Variants in ELP4 observed in about 807,000 individuals in gnomAD.
ELP4 encodes the protein elongator complex protein 4.
Under a neutral mutation model 48.9 loss-of-function variants are expected in ELP4, and 51 were observed. The observed-to-expected ratio is 1.04, with a 90% CI of 0.83 to 1.32. The LOEUF is 1.32. ELP4 is among the 40% of genes most tolerant of loss of function. The pLI is 0.00. For synonymous variants in ELP4, 210 were observed against 189.2 expected (o/e 1.11, Z -0.90); for missense variants, 519 against 514.6 (o/e 1.01, Z -0.08).
At chr11:31,584,517 TTTGTTTTGTTGTTGTTG>T (rs1272522752) in intron 3 of ELP4, among the ~76,000 whole-genome samples, 1 of 151,986 alleles carries the variant, frequency 6.6e-6, no homozygotes, top group Non-Finnish European at 1.5e-5. Context: ...GTTTTTTTGT[TTTGTTTTGTTGTTGTTG>T]TTGTTTTGTT....
chr11:31,769,550 C>T (rs1308091340), intron 9 of ELP4, among the ~76,000 whole-genome samples: 2 of 152,100 alleles, frequency 1.3e-5, no homozygotes, highest in African/African-American at 2.4e-5. Context: ...TTCTCTATTC[C>T]GTAAGCTGTG....
chr11:31,510,700 C>G, intron 1 of ELP4: 1 of 250,142 alleles, frequency 4.0e-6, no homozygotes, highest in South Asian at 1.7e-4. Flanking sequence ...AAATTTAACT[C>G]ACATTTTAAC....
intron 9 of ELP4, among the ~76,000 whole-genome samples, chr11:31,699,452 A>G (rs1946475810): frequency 6.6e-6 from 1 of 152,168 alleles, no homozygotes. Context: ...ATGGATGCAT[A>G]GTTAGGTAGG....
At chr11:31,648,501 A>G (rs994617731) in intron 8 of ELP4, 4 of 151,462 alleles carry the variant, frequency 2.6e-5, no homozygotes, top group African/African-American at 7.3e-5. Flanking sequence ...GAACTATATG[A>G]ATAGTAAAAG....
At chr11:31,648,017 C>A (rs1945241626) in intron 8 of ELP4, 168 bp downstream of exon 8, 1 of 523,694 alleles carries the variant, frequency 1.9e-6, no homozygotes, top group African/African-American at 1.9e-5. Flanking sequence ...TATTACCCAA[C>A]TACATTAAGA....
At chr11:31,610,235 CCTAT>C (rs754065190) in intron 5 of ELP4, among the ~76,000 whole-genome samples, 7 of 152,088 alleles carry the variant, frequency 4.6e-5, no homozygotes, top group African/African-American at 7.2e-5. Context: ...AGAGATTCTG[CCTAT>C]CTGTTTAGCT....
chr11:31,730,969 T>TG (rs1488992860), intron 9 of ELP4, among the ~76,000 whole-genome samples: 1 of 149,980 alleles, frequency 6.7e-6, no homozygotes. Context: ...TACAAGCTCC[T>TG]GAAAAAAAAA....
Position 31,511,967 on chromosome 11 carries a change from G to A in ELP4, c.223+1960G>A, listed in dbSNP as rs139827391. 5.2e-4 allele frequency: 79 copies of A among 152,308 alleles called. 1 individual carries two copies. Among genetic ancestry groups the A allele is most frequent in the African/African-American group, 1.9e-3 (78 of 41,570 alleles). The allele number at this position is 152,308 out of a possible 1,614,324, so 9.4% of individuals were successfully genotyped here. ...ACTTTGAAATATATTTTGCATGTAT[G>A]CAGTGAATTCTCAAAGTGCACAAAA... On this transcript the variant is annotated intron_variant, in intron 1 of 9. Coordinates refer to ENST00000640961, the MANE Select transcript of ELP4 (RefSeq NM_019040.5).
intron 9 of ELP4, among the ~76,000 whole-genome samples, chr11:31,736,131 T>C (rs2134210072): frequency 6.6e-6 from 1 of 152,254 alleles, no homozygotes; most frequent in South Asian, 2.1e-4. Context: ...AACAGAGCTG[T>C]AGACCAATGG....
chr11:31,721,617 C>CA (rs1292924912), intron 9 of ELP4, among the ~76,000 whole-genome samples: 15 of 152,032 alleles, frequency 9.9e-5, no homozygotes, highest in Non-Finnish European at 1.5e-4. Flanking sequence ...ACTTCTGAAG[C>CA]AGTGGCAGGT....
chr11:31,741,412 A>G (rs1454223070), intron 9 of ELP4, among the ~76,000 whole-genome samples: 1 of 152,196 alleles, frequency 6.6e-6, no homozygotes, highest in Non-Finnish European at 1.5e-5. Flanking sequence ...TTCTCCCAGC[A>G]CGCAGCTTGA....
At chr11:31,710,561 G>A (rs1946718824) in intron 9 of ELP4, among the ~76,000 whole-genome samples, 1 of 151,722 alleles carries the variant, frequency 6.6e-6, no homozygotes, top group African/African-American at 2.4e-5. Context: ...GGAGGCAGAG[G>A]TTGCAGTGAG....
intron 3 of ELP4, among the ~76,000 whole-genome samples, chr11:31,580,098 T>C (rs1957362913): frequency 6.6e-6 from 1 of 152,210 alleles, no homozygotes; most frequent in African/African-American, 2.4e-5. Flanking sequence ...CTATTTTTTC[T>C]GTGTGATTTC....
At chr11:31,569,705 G>A (rs1244564279) in intron 3 of ELP4, among the ~76,000 whole-genome samples, 2 of 152,150 alleles carry the variant, frequency 1.3e-5, no homozygotes, top group African/African-American at 4.8e-5. Flanking sequence ...CAGCCTGGGT[G>A]ACAGAGTGAG....
intron 9 of ELP4, among the ~76,000 whole-genome samples, chr11:31,693,629 C>G (rs1042144109): frequency 1.3e-5 from 2 of 152,110 alleles, no homozygotes; most frequent in African/African-American, 4.8e-5. Flanking sequence ...CATACGTGTG[C>G]ATGTGTCTTT....
intron 7 of ELP4, chr11:31,634,450 G>A (rs1437067189): frequency 1.3e-5 from 2 of 151,952 alleles, no homozygotes; most frequent in Non-Finnish European, 2.9e-5. Context: ...TTCCAAAGGG[G>A]CCTCTGTGAG....
intron 4 of ELP4, among the ~76,000 whole-genome samples, chr11:31,595,564 A>G (rs538484891): frequency 2.6e-5 from 4 of 152,338 alleles, no homozygotes; most frequent in African/African-American, 9.6e-5. Context: ...ATCCTTCTCT[A>G]GTCTTCCACA....
intron 2 of ELP4, among the ~76,000 whole-genome samples, chr11:31,521,086 C>T (rs1390302637): frequency 1.3e-5 from 2 of 151,996 alleles, no homozygotes; most frequent in Non-Finnish European, 2.9e-5. Flanking sequence ...GAAGAATTTT[C>T]CCCAAGAGTG....
chr11:31,519,747 C>A lies in ELP4; in HGVS notation c.224-309C>A, dbSNP rs543608433. Among the ~76,000 whole-genome samples, 5 of 152,040 alleles carry A rather than the reference C, an allele frequency of 3.3e-5. No homozygotes were observed. In the East Asian group the frequency reaches 9.7e-4, roughly 29 times the overall value. ...GGCTGAGGCAGGAGAATTGCTTGAA[C>A]CCAGGATGGGGAGGTTGCAGTGAGC... On this transcript the variant is annotated intron_variant, in intron 1 of 9. Transcript: ENST00000640961.
Sources: gnomAD v4.1 joint callset for allele counts (sites outside exome capture counted in the v4.1 genomes callset) on GRCh38, gnomAD v4.1.1 for gene constraint, MANE v1.5 for transcripts, NCBI Gene and HGNC (gene_info 2026-07-23, HGNC 2026-07-21) for gene names.